KATNIP: variants seen among roughly 807,000 people sequenced by gnomAD.
KATNIP encodes the protein katanin-interacting protein.
In KATNIP, 126 loss-of-function variants were observed where a neutral mutation model predicts 174.0. The ratio of observed to expected loss-of-function variants is 0.72; its 90% CI spans 0.63 to 0.84. The LOEUF (loss-of-function observed/expected upper bound fraction) is 0.84, where lower values mean the gene tolerates loss of function less well. Ranked by LOEUF, KATNIP falls within the 40% of genes least tolerant of loss-of-function variation. The pLI is 0.00. For synonymous variants in KATNIP, 810 were observed against 835.7 expected (o/e 0.97, Z 0.53); for missense variants, 1,958 against 2,109.7 (o/e 0.93, Z 1.41).
At chr16:27,606,116 C>T (rs146896063) in intron 2 of KATNIP, among the ~76,000 whole-genome samples, 3,187 of 151,824 alleles carry the variant, frequency 0.021, 132 homozygotes, top group African/African-American at 0.073. Flanking sequence ...GGCAACAGTG[C>T]GAGACTCTGT....
chr16:27,757,417 GGTCACCA>G (rs2081778072), intron 18 of KATNIP: 1 of 825,168 alleles, frequency 1.2e-6, no homozygotes. Context: ...GTCAGAGTGT[GGTCACCA>G]GAAGGAAGGC....
intron 14 of KATNIP, among the ~76,000 whole-genome samples, chr16:27,737,730 C>G (rs1409097818): frequency 6.6e-6 from 1 of 152,102 alleles, no homozygotes; most frequent in Non-Finnish European, 1.5e-5. Flanking sequence ...GGAGGGGAAG[C>G]TGCCGAGTAC....
chr16:27,558,783 C>T (rs774173890), intron 1 of KATNIP, among the ~76,000 whole-genome samples: 11 of 151,454 alleles, frequency 7.3e-5, no homozygotes, highest in Non-Finnish European at 7.4e-5. Flanking sequence ...TGACTGTTGC[C>T]GTGGCAGATC....
chr16:27,651,877 GC>G (rs1567255123), intron 6 of KATNIP, among the ~76,000 whole-genome samples: 2 of 152,108 alleles, frequency 1.3e-5, no homozygotes, highest in African/African-American at 4.8e-5. Flanking sequence ...CAACCAGTAC[GC>G]CCCACTAATT....
At position 27,573,943 on chromosome 16, in the gene KATNIP, G is replaced by A. The variant is rs142272736; in HGVS notation, c.50G>A (p.Arg17Gln). 3.1e-5 allele frequency: 50 copies of A among 1,614,134 alleles called. No individual in the cohort carries two copies. The South Asian group carries it at 5.4e-4, about 17-fold the overall frequency. Residue 17 changes from arginine (R) to glutamine (Q), a missense_variant, in exon 2 of 28, where the codon CGA (arginine) becomes CAA (glutamine). This residue lies in a region of KATNIP where 1,557 missense variants were observed against 1,617.8 expected (regional missense o/e 0.96). Transcript: ENST00000261588. ...GCCGAGAGAAGCTGGTCCTGCTCAC[G>A]AGAGAAAAAGGAGGTAAATGTGTCC... ...RKAERSWSCS[R>Q]EKKEGYAKDM...
chr16:27,758,999 T>C (rs1448969590), intron 18 of KATNIP, among the ~76,000 whole-genome samples: 1 of 152,260 alleles, frequency 6.6e-6, no homozygotes, highest in African/African-American at 2.4e-5. Flanking sequence ...TAAATATTCG[T>C]TGACTGTTGA....
intron 18 of KATNIP, among the ~76,000 whole-genome samples, chr16:27,755,974 A>G (rs1236130109): frequency 1.3e-5 from 2 of 152,132 alleles, no homozygotes; most frequent in Non-Finnish European, 2.9e-5. Context: ...AGCCAAGGGC[A>G]GTCACAAGTC....
chr16:27,776,070 C>T lies in KATNIP; in HGVS notation c.4450-858C>T, dbSNP rs888126266. 2.6e-5 allele frequency among the ~76,000 whole-genome samples: 4 copies of T among 152,122 alleles called. No individual in the cohort carries two copies. The highest frequency in any genetic ancestry group is 9.7e-5 in the African/African-American group (4 of 41,432). Reference sequence around the variant, plus strand: ...GCGGCGACTTCAGCTGTTGCTCTCGCGGCTGGACTCCAACATCTGTATCTG... The same window carrying T: ...GCGGCGACTTCAGCTGTTGCTCTCGTGGCTGGACTCCAACATCTGTATCTG... On this transcript the variant is annotated intron_variant, in intron 24 of 27. Transcript: ENST00000261588. This position sits in a 1 kb window ranked among gnomAD's most constrained non-coding sequence, Gnocchi z 4.7.
Position 27,708,849 on chromosome 16 carries a change from C to T in KATNIP, c.1534C>T (p.Pro512Ser). Residue 512 changes from proline (P) to serine (S), a missense_variant, in exon 13 of 28, where the codon CCC becomes TCC. Pro to Ser is a moderately conservative substitution (Grantham distance 74). Transcript: ENST00000261588. ...GAATGACACAAAGCTTTATGTGTCG[C>T]CCCACGATGTGGATATCCGGAACAC... The part of the protein sequence containing the change: ...DLNDTKLYVS[P>S]HDVDIRNTAT... 6.2e-7 allele frequency: 1 copy of T among 1,614,056 alleles called. No homozygotes were observed.
At position 27,774,856 on chromosome 16, in the gene KATNIP, G is replaced by C. The variant is rs945672592; in HGVS notation, c.4310-89G>C. The C allele has an allele frequency of 3.3e-6, 5 of 1,499,968 alleles. No homozygotes were observed. The South Asian group carries it at 3.5e-5, about 11-fold the overall frequency. The allele number at this position is 1,499,968 out of a possible 1,614,324, so 92.9% of individuals were successfully genotyped here. On this transcript the variant is annotated intron_variant, in intron 23 of 27. Transcript: ENST00000261588. ...CAAAGCATCAGCCCTGCCAGCCCCA[G>C]AGTCCCCCGAGCCACGCCATCAGCC...
intron 2 of KATNIP, among the ~76,000 whole-genome samples, chr16:27,577,831 C>T (rs1243692793): frequency 1.3e-5 from 2 of 152,044 alleles, no homozygotes; most frequent in East Asian, 1.9e-4. Flanking sequence ...TATGATCACA[C>T]CACTGCATTC....
Position 27,628,684 on chromosome 16 carries a change from A to C in KATNIP, c.164A>C (p.Lys55Thr), listed in dbSNP as rs2142142842. 6.2e-7 allele frequency: 1 copy of C among 1,614,192 alleles called. No homozygotes were observed. Among genetic ancestry groups the C allele is most frequent in the East Asian group, 2.2e-5 (1 of 44,888 alleles). ...AGGATATTAAAGCATTTGAAAAGCA[A>C]GGACCCCGTGCAATTGAGGCTGGAG... is the stretch of plus-strand genomic sequence containing the variant. ...RNRILKHLKSKDPVQLRLEHL... is the reference protein window; with the variant it reads ...RNRILKHLKSTDPVQLRLEHL... The change falls in exon 4 of 28, where the codon AAG (lysine) becomes ACG (threonine). Residue 55 changes from lysine to threonine, a missense_variant. Physicochemically the swap from Lys to Thr is moderately conservative, Grantham distance 78 (BLOSUM62 -1). Around this residue, in one of 3 missense-constraint regions of KATNIP, gnomAD observed 1,557 missense variants for 1,617.8 expected, o/e 0.96. Transcript: ENST00000261588.
intron 2 of KATNIP, among the ~76,000 whole-genome samples, chr16:27,610,970 G>A (rs1469004066): frequency 7.2e-5 from 11 of 152,056 alleles, no homozygotes; most frequent in Admixed American, 6.6e-4. Flanking sequence ...GAGTTGTCCC[G>A]CCTTTTGAGG....
intron 13 of KATNIP, among the ~76,000 whole-genome samples, chr16:27,713,076 G>T (rs1043020907): frequency 6.6e-6 from 1 of 152,076 alleles, no homozygotes; most frequent in Admixed American, 6.6e-5. Context: ...CCAAAGCACT[G>T]GGATTACAGG....
chr16:27,634,206 C>T (rs1038806705), intron 5 of KATNIP, among the ~76,000 whole-genome samples: 1 of 152,206 alleles, frequency 6.6e-6, no homozygotes, highest in South Asian at 2.1e-4. Context: ...CCACACTTCA[C>T]AGGGCCTAAT....
chr16:27,728,721 C>A (rs140675037), intron 14 of KATNIP, among the ~76,000 whole-genome samples: 1 of 152,188 alleles, frequency 6.6e-6, no homozygotes, highest in African/African-American at 2.4e-5. Context: ...ATGAACCGCT[C>A]GGCCCAGCCA....
chr16:27,618,337 C>A, intron 2 of KATNIP, 88 bp from the exon 3 acceptor site: 1 of 1,030,194 alleles, frequency 9.7e-7, no homozygotes, highest in Non-Finnish European at 1.5e-6. Context: ...CGCCTCTCAG[C>A]CTGCTGCGCC....
At chr16:27,762,647 C>T (rs2081991328) in intron 19 of KATNIP, among the ~76,000 whole-genome samples, 1 of 152,188 alleles carries the variant, frequency 6.6e-6, no homozygotes. Flanking sequence ...CAGCCACATC[C>T]CTTGGCCTGG....
rs552730966 is a variant in KATNIP, at chr16:27,624,813, C to T, written c.141-3848C>T. Reference sequence around the variant, plus strand: ...CCAGCCTGGGCACCAGAGCAAGACCCGGGAAAAAAAGAAAAGAAAGAAATA... The same window carrying T: ...CCAGCCTGGGCACCAGAGCAAGACCTGGGAAAAAAAGAAAAGAAAGAAATA... On this transcript the variant is annotated intron_variant, in intron 3 of 27. Transcript: ENST00000261588. Among the ~76,000 whole-genome samples, 18 of 152,032 alleles carry T rather than the reference C, an allele frequency of 1.2e-4. No homozygotes were observed. In the East Asian group the frequency reaches 1.5e-3, roughly 13 times the overall value.
Sources: allele counts gnomAD v4.1 joint callset (sites outside exome capture counted in the v4.1 genomes callset), GRCh38; gene constraint gnomAD v4.1.1; regional missense constraint gnomAD v4.1.1; non-coding constraint Gnocchi (gnomAD v3.1); transcripts MANE v1.5; gene names NCBI Gene and HGNC (gene_info 2026-07-23, HGNC 2026-07-21).